Variants in TMEM25 observed in about 807,000 individuals in gnomAD.
TMEM25 encodes the protein transmembrane protein 25, also known as 0610039J01Rik.
In TMEM25, 36 loss-of-function variants were observed where a neutral mutation model predicts 37.0. The observed-to-expected ratio is 0.97, with a 90% CI of 0.75 to 1.28. TMEM25 has a LOEUF of 1.28. TMEM25 is among the 50% of genes most tolerant of loss of function. TMEM25 has a pLI of 0.00. For missense variants in TMEM25, 444 were observed against 477.9 expected (o/e 0.93, Z 0.66); for synonymous variants, 197 against 203.7 (o/e 0.97, Z 0.28).
rs368323779 is a variant in TMEM25, at chr11:118,533,566, CT to C, written c.805+16del. ...GAAAACCAAAGGTAGGCCAGGGACA[CT>C]GGGGGCAGTGTGGATGAGGTCAGGC... On this transcript the variant is annotated intron_variant, in intron 5 of 8. Transcript: ENST00000313236. 1,118 of 1,613,778 alleles carry C rather than the reference CT, an allele frequency of 6.9e-4. 19 individuals carry two copies. The East Asian group carries it at 0.01, about 15-fold the overall frequency.
chr11:118,539,367 C>T (rs1951549414), downstream of TMEM25, among the ~76,000 whole-genome samples: 1 of 151,960 alleles, frequency 6.6e-6, no homozygotes, highest in African/African-American at 2.4e-5. Flanking sequence ...AGGGTTTCAC[C>T]ATGTTGGCCA....
intron 1 of TMEM25, 181 bp downstream of exon 1, chr11:118,531,415 G>A (rs968129382): frequency 2.5e-6 from 1 of 406,402 alleles, no homozygotes; most frequent in Admixed American, 4.3e-5. Context: ...GAGAGAATAG[G>A]ATTAGGAGAA....
At chr11:118,536,452 C>T (rs1951512039), downstream of TMEM25, among the ~76,000 whole-genome samples, 1 of 152,164 alleles carries the variant, frequency 6.6e-6, no homozygotes, top group Non-Finnish European at 1.5e-5. Context: ...CTCAGCCTCC[C>T]AAAGTGCTGG....
chr11:118,546,355 G>A (rs1555067154), exon 9 of TMEM25: 6 of 562,128 alleles, frequency 1.1e-5, no homozygotes, highest in Middle Eastern at 4.8e-4. Context: ...GCCGGGTGTG[G>A]TGTTGAGTAT....
downstream of TMEM25, among the ~76,000 whole-genome samples, chr11:118,536,129 C>T (rs1017493399): frequency 2.6e-5 from 4 of 151,988 alleles, no homozygotes; most frequent in African/African-American, 9.7e-5. Flanking sequence ...CTGCCCACCT[C>T]GGCCTCCCAA....
At chr11:118,546,657 A>AT (rs1213987258), downstream of TMEM25, 5 of 156,658 alleles carry the variant, frequency 3.2e-5, no homozygotes, top group African/African-American at 9.7e-5. Flanking sequence ...ACAACATGCT[A>AT]TTTTTTCCCC....
intron 8 of TMEM25, among the ~76,000 whole-genome samples, chr11:118,544,350 G>C (rs1264513763): frequency 1.3e-5 from 2 of 152,076 alleles, no homozygotes; most frequent in African/African-American, 2.4e-5. Context: ...AAATTCCAGA[G>C]GAAAAATGAT....
chr11:118,540,429 T>C (rs1310280348), downstream of TMEM25, among the ~76,000 whole-genome samples: 1 of 152,240 alleles, frequency 6.6e-6, no homozygotes, highest in African/African-American at 2.4e-5. Flanking sequence ...AAATTTTTCT[T>C]AGCCAGAGGG....
Position 118,534,338 on chromosome 11 carries a change from G to A in TMEM25, c.1010G>A (p.Gly337Asp), listed in dbSNP as rs1217874595. The A allele has an allele frequency of 1.9e-6, 3 of 1,613,886 alleles. No homozygotes were observed. Among genetic ancestry groups the A allele is most frequent in the African/African-American group, 2.7e-5 (2 of 74,912 alleles). The change falls in exon 8 of 9, where the codon GGC becomes GAC. Residue 337 changes from glycine (G) to aspartate (D), a missense_variant. Transcript: ENST00000313236. This position sits in a 1 kb window ranked among gnomAD's most constrained non-coding sequence, Gnocchi z 4.6. ...GAGCTTCTGGACCCGGAGCCCGGCG[G>A]CCTCCTCACCAGCCAAGGTACTGGG... ...RPELLDPEPG[G>D]LLTSQGFIRL...
chr11:118,545,536 T>C (rs782799646), intron 8 of TMEM25: 3 of 1,530,164 alleles, frequency 2.0e-6, no homozygotes, highest in Non-Finnish European at 2.7e-6. Context: ...GCAAACAAAC[T>C]CCGGGAATTA....
At chr11:118,540,100 AT>A (rs1555064954), downstream of TMEM25, among the ~76,000 whole-genome samples, 1 of 149,584 alleles carries the variant, frequency 6.7e-6, no homozygotes, top group Non-Finnish European at 1.5e-5. Context: ...TTGAGCGCAG[AT>A]TTATCTTCTG....
In TMEM25 at chr11:118,534,368, G is replaced by A; in HGVS notation, c.1027+13G>A. ...CTCACCAGCCAAGGTACTGGGGAAG[G>A]GGCCTGCCACCCTCCTCCTCTGCCC... On this transcript the variant is annotated intron_variant, in intron 8 of 8. Transcript: ENST00000313236. The surrounding 1 kb of genome is among the most constrained non-coding windows in gnomAD (Gnocchi z 4.6). 2 of 1,613,388 alleles carry A rather than the reference G, an allele frequency of 1.2e-6. No individual in the cohort carries two copies. The highest frequency in any genetic ancestry group is 1.7e-6 in the Non-Finnish European group (2 of 1,179,710).
intron 1 of TMEM25, chr11:118,531,441 G>GGGA: frequency 2.2e-6 from 1 of 446,436 alleles, no homozygotes; most frequent in East Asian, 4.2e-5. Context: ...ATCCCTTTGG[G>GGGA]GGAGGGGCGC....
chr11:118,531,838 A>G lies in TMEM25; in HGVS notation c.37A>G (p.Thr13Ala). The G allele has an allele frequency of 6.4e-7, 1 of 1,551,470 alleles. No homozygotes were observed. ...LPPGPAALRH[T>A]LLLLPALLSS... is the part of the protein sequence containing the mutation. ...TCCAGGCCCAGCCGCCCTCCGGCAC[A>G]CACTGCTGCTCCTGCCAGCCCTTCT... The change falls in exon 2 of 9, where the codon ACA becomes GCA. Residue 13 changes from threonine to alanine, a missense_variant. Thr to Ala is a moderately conservative substitution (Grantham distance 58, BLOSUM62 0). Coordinates refer to ENST00000313236, the MANE Select transcript of TMEM25 (RefSeq NM_032780.4).
intron 8 of TMEM25, chr11:118,544,874 G>C (rs937804156): frequency 7.1e-7 from 1 of 1,407,174 alleles, no homozygotes; most frequent in Non-Finnish European, 1.0e-6. Context: ...AGCTGGGGCA[G>C]AGGGGCCAGC....
downstream of TMEM25, among the ~76,000 whole-genome samples, chr11:118,537,472 A>G (rs1377901667): frequency 3.3e-5 from 5 of 152,174 alleles, no homozygotes; most frequent in African/African-American, 1.2e-4. Flanking sequence ...TTTGTTAACT[A>G]TACTCACCCC....
chr11:118,546,107 G>A (rs1951678219), intron 8 of TMEM25: 1 of 718,382 alleles, frequency 1.4e-6, no homozygotes, highest in African/African-American at 1.7e-5. Flanking sequence ...AGTATGACTG[G>A]TGTCCTTATA....
At chr11:118,543,434 G>T (rs527816002) in intron 8 of TMEM25, among the ~76,000 whole-genome samples, 77 of 152,050 alleles carry the variant, frequency 5.1e-4, no homozygotes, top group African/African-American at 1.8e-3. Flanking sequence ...AGTACCCTCC[G>T]TTCTCCCTTT....
chr11:118,534,724 T>G lies in TMEM25; in HGVS notation c.*144T>G. On this transcript the variant is annotated 3_prime_UTR_variant, in exon 9 of 9. Transcript: ENST00000313236. The surrounding 1 kb of genome is among the most constrained non-coding windows in gnomAD (Gnocchi z 4.6). ...GCCCTCCTGGCTGGGGTGCCCTCCA[T>G]GTCATGCACGTGATGCATTTCACTG... is the stretch of plus-strand genomic sequence containing the variant. The G allele has an allele frequency of 3.4e-6, 5 of 1,463,308 alleles. No homozygotes were observed. The highest frequency in any genetic ancestry group is 4.5e-6 in the Non-Finnish European group (5 of 1,106,990). The allele number at this position is 1,463,308 out of a possible 1,614,324, so 90.6% of individuals were successfully genotyped here. A position where few individuals can be genotyped will look rare whatever the true frequency, so the allele number is the denominator to read the frequency against.
Sources: gnomAD v4.1 joint callset for allele counts (sites outside exome capture counted in the v4.1 genomes callset) on GRCh38, gnomAD v4.1.1 for gene constraint, Gnocchi (gnomAD v3.1) non-coding constraint, MANE v1.5 for transcripts, NCBI Gene and HGNC (gene_info 2026-07-23, HGNC 2026-07-21) for gene names.